The following SGCD variants were observed in gnomAD, a reference collection of about 807,000 sequenced individuals.
The protein encoded by SGCD is sarcoglycan delta, also known as delta-sarcoglycan.
SGCD carries 18 observed loss-of-function variants against 36.6 expected under a neutral mutation model. The ratio of observed to expected loss-of-function variants is 0.49; its 90% CI spans 0.34 to 0.73. The LOEUF (loss-of-function observed/expected upper bound fraction) is 0.73, where lower values mean the gene tolerates loss of function less well. Among genes scored for constraint, SGCD ranks in the 30% least tolerant of loss-of-function variants. The pLI is 0.01. For synonymous variants in SGCD, 133 were observed against 130.6 expected, an observed-to-expected ratio of 1.02 and a Z score of -0.12; for missense variants, 387 against 346.7, an observed-to-expected ratio of 1.12 and a Z score of -0.92.
intron 2 of SGCD, among the ~76,000 whole-genome samples, chr5:156,123,386 G>A (rs1200909213): frequency 6.6e-6 from 1 of 152,124 alleles, no homozygotes; most frequent in Non-Finnish European, 1.5e-5. Flanking sequence ...GTGGCCAGTG[G>A]TCGCAGTAAG....
At chr5:155,873,765 G>C (rs545072646) in intron 1 of SGCD, among the ~76,000 whole-genome samples, 11 of 152,038 alleles carry the variant, frequency 7.2e-5, no homozygotes, top group Non-Finnish European at 1.3e-4. Flanking sequence ...AGTTAAAAAA[G>C]CATACCACTT....
At chr5:156,321,388 C>T (rs1163404926) in intron 3 of SGCD, among the ~76,000 whole-genome samples, 1 of 152,086 alleles carries the variant, frequency 6.6e-6, no homozygotes, top group Non-Finnish European at 1.5e-5. Flanking sequence ...CCACTGCACT[C>T]CAGCCTGGGT....
intron 2 of SGCD, among the ~76,000 whole-genome samples, chr5:156,122,843 T>TTAAAAAA (rs1762076620): frequency 3.7e-5 from 2 of 54,158 alleles, no homozygotes; most frequent in African/African-American, 1.6e-4. Context: ...AAAGATGTGG[T>TTAAAAAA]AAAAAAAAAA....
the SGCD span, among the ~76,000 whole-genome samples, chr5:155,861,731 TAAAAA>T: frequency 6.6e-6 from 1 of 151,862 alleles, no homozygotes; most frequent in Non-Finnish European, 1.5e-5. Context: ...AATAAATAAA[TAAAAA>T]AGAAAGAAAA....
At chr5:156,592,307 C>G (rs1445422760) in intron 5 of SGCD, among the ~76,000 whole-genome samples, 1 of 152,066 alleles carries the variant, frequency 6.6e-6, no homozygotes, top group Non-Finnish European at 1.5e-5. Flanking sequence ...TTCGTTAGTA[C>G]TTCATTACCT....
At chr5:155,894,484 C>G (rs1756205366) in intron 1 of SGCD, among the ~76,000 whole-genome samples, 1 of 152,166 alleles carries the variant, frequency 6.6e-6, no homozygotes, top group Non-Finnish European at 1.5e-5. Flanking sequence ...GTCCCCAACT[C>G]CCAGTAATGG....
chr5:155,874,763 C>T (rs916422479), intron 1 of SGCD, among the ~76,000 whole-genome samples: 2 of 151,966 alleles, frequency 1.3e-5, no homozygotes, highest in African/African-American at 4.8e-5. Context: ...CTGAAAATAC[C>T]AGGTATTGGT....
intron 1 of SGCD, among the ~76,000 whole-genome samples, chr5:156,024,113 A>C (rs930381444): frequency 6.6e-6 from 1 of 152,164 alleles, no homozygotes; most frequent in Non-Finnish European, 1.5e-5. Context: ...CAGCGTAAGT[A>C]TCGGAAGGTA....
chr5:156,364,384 GC>G (rs955498776), intron 3 of SGCD, among the ~76,000 whole-genome samples: 1 of 150,874 alleles, frequency 6.6e-6, no homozygotes, highest in Admixed American at 6.6e-5. Context: ...TTTTTTTAAT[GC>G]GCAATGAAAT....
chr5:156,672,393 G>C (rs1753334352), intron 7 of SGCD, among the ~76,000 whole-genome samples: 1 of 152,128 alleles, frequency 6.6e-6, no homozygotes, highest in African/African-American at 2.4e-5. Context: ...GTCTCTAGGG[G>C]TCTTATGGTT....
At chr5:156,085,202 T>C (rs1761063465) in intron 1 of SGCD, among the ~76,000 whole-genome samples, 1 of 152,084 alleles carries the variant, frequency 6.6e-6, no homozygotes, top group Non-Finnish European at 1.5e-5. Flanking sequence ...CTCTATCTGG[T>C]TTTGATATCA....
intron 1 of SGCD, among the ~76,000 whole-genome samples, chr5:155,953,489 A>T (rs1757585121): frequency 6.6e-6 from 1 of 152,176 alleles, no homozygotes; most frequent in South Asian, 2.1e-4. Flanking sequence ...GTTTGGGCAG[A>T]TAAGCCGTTC....
intron 3 of SGCD, among the ~76,000 whole-genome samples, chr5:156,396,363 A>T (rs145412559): frequency 1.3e-5 from 2 of 152,192 alleles, no homozygotes; most frequent in South Asian, 4.1e-4. Flanking sequence ...TTGTCAGTGG[A>T]GTGATGAGAA....
chr5:156,254,532 A>G (rs557060868), intron 3 of SGCD, among the ~76,000 whole-genome samples: 2 of 152,288 alleles, frequency 1.3e-5, no homozygotes, highest in Admixed American at 1.3e-4. Context: ...GAAGATAATT[A>G]TATGATATTT....
intron 3 of SGCD, among the ~76,000 whole-genome samples, chr5:156,233,717 C>T (rs1561576990): frequency 6.6e-6 from 1 of 152,034 alleles, no homozygotes; most frequent in African/African-American, 2.4e-5. Flanking sequence ...TAAATGCTCA[C>T]GTTTTTAAAA....
intron 4 of SGCD, among the ~76,000 whole-genome samples, chr5:156,580,219 T>C (rs1760189343): frequency 6.6e-6 from 1 of 152,248 alleles, no homozygotes; most frequent in Admixed American, 6.5e-5. Flanking sequence ...AACTCTTTTC[T>C]TTAAGAATGC....
At chr5:155,950,814 T>G (rs530786714) in intron 1 of SGCD, among the ~76,000 whole-genome samples, 1 of 152,266 alleles carries the variant, frequency 6.6e-6, no homozygotes, top group East Asian at 1.9e-4. Flanking sequence ...TTGATACTCT[T>G]CAAATAGTTG....
At chr5:156,449,847 C>T (rs12652375) in intron 3 of SGCD, among the ~76,000 whole-genome samples, 1 of 121,938 alleles carries the variant, frequency 8.2e-6, no homozygotes, top group African/African-American at 3.2e-5. Context: ...AGTGAAACTC[C>T]ATCTCAAAAA....
At chr5:155,803,108 A>G in the SGCD span, among the ~76,000 whole-genome samples, 2 of 152,370 alleles carry the variant, frequency 1.3e-5, no homozygotes, top group East Asian at 1.9e-4. Flanking sequence ...CTGTTCAAGC[A>G]TTCTTTCAAG....
Sources: allele counts gnomAD v4.1 joint callset (sites outside exome capture counted in the v4.1 genomes callset), GRCh38; gene constraint gnomAD v4.1.1; transcripts MANE v1.5; gene names NCBI Gene and HGNC (gene_info 2026-07-23, HGNC 2026-07-21).